The following FUS variants were observed in gnomAD, a reference collection of about 807,000 sequenced individuals.
FUS encodes the protein FUS RNA binding protein, also known as RNA-binding protein FUS.
In FUS, 5 loss-of-function variants were observed where a neutral mutation model predicts 82.7. The ratio of observed to expected loss-of-function variants is 0.06; its 90% CI spans 0.03 to 0.13. The LOEUF (loss-of-function observed/expected upper bound fraction) is 0.13, where lower values mean the gene tolerates loss of function less well. Among genes scored for constraint, FUS ranks in the 10% least tolerant of loss-of-function variants. The pLI is 1.00. For synonymous variants in FUS, 281 were observed against 247.4 expected (o/e 1.14, Z -1.27); for missense variants, 512 against 707.8 (o/e 0.72, Z 3.14).
Position 31,180,184 on chromosome 16 carries a change from T to G in FUS, c.-31T>G, listed in dbSNP as rs2144090045. ...GTACTCAGCGGTGTTGGAACTTCGT[T>G]GCTTGCTTGCCTGTGCGCGCGTGCG... On this transcript the variant is annotated 5_prime_UTR_variant, in exon 1 of 15. Coordinates refer to ENST00000254108, the MANE Select transcript of FUS (RefSeq NM_004960.4). 6.2e-7 allele frequency: 1 copy of G among 1,608,658 alleles called. No homozygotes were observed. Among genetic ancestry groups the G allele is most frequent in the African/African-American group, 1.3e-5 (1 of 75,006 alleles).
intron 1 of FUS, among the ~76,000 whole-genome samples, chr16:31,180,796 C>G (rs1252645446): frequency 6.6e-6 from 1 of 152,142 alleles, no homozygotes. Flanking sequence ...GGTTGCCACG[C>G]GGCTGGGGGC....
downstream of FUS, chr16:31,194,414 G>T (rs1014560753): frequency 2.0e-6 from 1 of 510,554 alleles, no homozygotes; most frequent in Admixed American, 2.3e-5. Flanking sequence ...TCAGCCTCTG[G>T]AGTAGCTGGG....
chr16:31,185,145 C>T lies in FUS; in HGVS notation c.730C>T (p.Arg244Cys), dbSNP rs1165095258. 7 of 1,610,038 alleles carry T rather than the reference C, an allele frequency of 4.3e-6. No individual in the cohort carries two copies. The highest frequency in any genetic ancestry group is 5.1e-6 in the Non-Finnish European group (6 of 1,178,160). The change falls in exon 6 of 15, where the codon CGT becomes TGT. Residue 244 changes from arginine to cysteine, a missense_variant. By Grantham distance (180) the Arg-to-Cys change is radical. Transcript: ENST00000254108. ...RSSGGYEPRG[R>C]GGGRGGRGGM... is the part of the protein sequence containing the mutation. ...CAGTGGTGGCTATGAACCCAGAGGT[C>T]GTGGAGGTGGCCGTGGAGGCAGAGG...
chr16:31,189,875 T>A, intron 10 of FUS, 81 bp downstream of exon 10: 1 of 1,608,728 alleles, frequency 6.2e-7, no homozygotes, highest in South Asian at 1.1e-5. Flanking sequence ...GTTTGAGGGT[T>A]CTTTTGAGTC....
At position 31,182,880 on chromosome 16, in the gene FUS, C is replaced by T. The variant is rs183032204; in HGVS notation, c.190+216C>T. Reference sequence around the variant, plus strand: ...TACAGGTACCTGCTACCACGCCTGGCTAATTTTGTGTTTTTAGTAGAGATG... The same window carrying T: ...TACAGGTACCTGCTACCACGCCTGGTTAATTTTGTGTTTTTAGTAGAGATG... On this transcript the variant is annotated intron_variant, in intron 3 of 14. Coordinates refer to ENST00000254108, the MANE Select transcript of FUS (RefSeq NM_004960.4). The T allele has an allele frequency of 2.9e-3, 1,605 of 562,634 alleles. 7 individuals are homozygous for T. The highest frequency in any genetic ancestry group is 3.4e-3 in the Non-Finnish European group (1,081 of 314,406). 34.9% of individuals were successfully genotyped at this position (562,634 alleles called of 1,614,324 possible).
At chr16:31,190,478 T>C in intron 12 of FUS, 80 bp downstream of exon 12, 2 of 1,601,050 alleles carry the variant, frequency 1.2e-6, no homozygotes, top group Non-Finnish European at 8.6e-7. Context: ...TGTGCGTGTT[T>C]TCCAAAGAAG....
At position 31,184,371 on chromosome 16, in the gene FUS, T is replaced by A. The variant is rs757247898; in HGVS notation, c.498T>A (p.Gly166=). ...GQQNQYNSSS[G]GGGGGGGGGN... is the part of the protein sequence containing the mutation. The stretch of plus-strand genomic sequence containing the variant: ...AGAACCAGTACAACAGCAGCAGTGG[T>A]GGTGGAGGTGGAGGTGGAGGTGGAG... The change falls in exon 5 of 15, where the codon GGT becomes GGA. Residue 166 remains glycine (G), a synonymous_variant. Transcript: ENST00000254108. The A allele has an allele frequency of 7.4e-6, 12 of 1,612,866 alleles. No homozygotes were observed. Among genetic ancestry groups the A allele is most frequent in the South Asian group, 1.1e-5 (1 of 91,038 alleles).
chr16:31,193,566 A>G (rs2079387820), downstream of FUS: 1 of 530,118 alleles, frequency 1.9e-6, no homozygotes, highest in Non-Finnish European at 3.7e-6. Flanking sequence ...TACTGGGACC[A>G]TTAGTGTCAA....
At chr16:31,193,616 A>G (rs959327785), downstream of FUS, 5 of 529,528 alleles carry the variant, frequency 9.4e-6, no homozygotes, top group East Asian at 1.6e-4. Context: ...ATTGGCCTTG[A>G]CCTTAAAAGG....
intron 3 of FUS, 146 bp downstream of exon 3, chr16:31,182,810 G>A (rs1283811072): frequency 4.2e-6 from 4 of 952,132 alleles, no homozygotes; most frequent in Non-Finnish European, 6.6e-6. Context: ...TCAGCCTACC[G>A]GGTTCAAACG....
At position 31,189,745 on chromosome 16, in the gene FUS, C is replaced by T. The variant is rs1384157223; in HGVS notation, c.1017C>T (p.Val339=). The change falls in exon 10 of 15, where the codon GTC becomes GTT. Residue 339 remains valine (V), a synonymous_variant. Coordinates refer to ENST00000254108, the MANE Select transcript of FUS (RefSeq NM_004960.4). The part of the protein sequence containing the change: ...ETGKLKGEAT[V]SFDDPPSAKA... ...GCAAGCTGAAGGGAGAGGCAACGGT[C>T]TCTTTTGATGACCCACCTTCAGCTA... The T allele has an allele frequency of 1.2e-6, 2 of 1,614,072 alleles. No individual in the cohort carries two copies. The highest frequency in any genetic ancestry group is 1.7e-6 in the Non-Finnish European group (2 of 1,180,054).
chr16:31,193,746 CCTCAGCCTCCCAA>C, downstream of FUS: 1 of 531,866 alleles, frequency 1.9e-6, no homozygotes. Context: ...CAACCTCCCA[CCTCAGCCTCCCAA>C]GTAGCTGGGA....
chr16:31,182,583 A>G lies in FUS; in HGVS notation c.109A>G (p.Ser37Gly). ...GAGCAGTCAGCCCTACGGACAGCAG[A>G]GTTACAGTGGTTATAGCCAGTCCAC... ...QQSSQPYGQQ[S>G]YSGYSQSTDT... Residue 37 changes from serine to glycine, a missense_variant, in exon 3 of 15, where the codon AGT (serine) becomes GGT (glycine). By Grantham distance (56) the Ser-to-Gly change is moderately conservative (BLOSUM62 0). This residue lies in a region of FUS where 276 missense variants were observed against 303.3 expected (regional missense o/e 0.91). Coordinates refer to ENST00000254108, the MANE Select transcript of FUS (RefSeq NM_004960.4). The G allele has an allele frequency of 1.2e-6, 2 of 1,614,218 alleles. No individual in the cohort carries two copies. Among genetic ancestry groups the G allele is most frequent in the Non-Finnish European group, 1.7e-6 (2 of 1,180,042 alleles).
downstream of FUS, chr16:31,194,103 G>T (rs1394310361): frequency 1.9e-6 from 1 of 533,898 alleles, no homozygotes; most frequent in Non-Finnish European, 3.6e-6. Flanking sequence ...GTAGCCTTCA[G>T]TTAGCCCTTT....
At position 31,184,343 on chromosome 16, in the gene FUS, A is replaced by G; in HGVS notation, c.470A>G (p.Gln157Arg). Residue 157 changes from glutamine to arginine, a missense_variant, in exon 5 of 15, where the codon CAG becomes CGG. Transcript: ENST00000254108. ...TATAATCCCCCTCAGGGCTATGGACAGCAGAACCAGTACAACAGCAGCAGT... is the reference window on the plus strand; with the variant it reads ...TATAATCCCCCTCAGGGCTATGGACGGCAGAACCAGTACAACAGCAGCAGT... ...QSYNPPQGYG[Q>R]QNQYNSSSGG... is the part of the protein sequence containing the mutation. The G allele has an allele frequency of 6.2e-7, 1 of 1,614,154 alleles. No individual in the cohort carries two copies. Among genetic ancestry groups the G allele is most frequent in the Non-Finnish European group, 8.5e-7 (1 of 1,180,022 alleles).
intron 7 of FUS, chr16:31,187,945 G>A (rs1596904354): frequency 3.2e-6 from 1 of 312,002 alleles, no homozygotes; most frequent in East Asian, 5.1e-5. Context: ...GGCTGGTGGC[G>A]AGCCCATCTC....
chr16:31,192,519 T>G (rs769920119), downstream of FUS: 19 of 513,846 alleles, frequency 3.7e-5, no homozygotes, highest in Non-Finnish European at 6.5e-5. Context: ...AGCTTACAAA[T>G]GTGCTGGGGA....
In FUS at chr16:31,191,320, G is replaced by A; in HGVS notation, c.1542-79G>A. On this transcript the variant is annotated intron_variant, in intron 14 of 14. Transcript: ENST00000254108. ...GATACTCGCTGGGTTAGGTAGGAGGGGCAGATAGGATATCTAGGCTTGGAG... is the reference window on the plus strand; with the variant it reads ...GATACTCGCTGGGTTAGGTAGGAGGAGCAGATAGGATATCTAGGCTTGGAG... 5 of 1,569,800 alleles carry A rather than the reference G, an allele frequency of 3.2e-6. No individual in the cohort carries two copies. The South Asian group carries it at 4.5e-5, about 14-fold the overall frequency.
intron 1 of FUS, among the ~76,000 whole-genome samples, chr16:31,181,076 G>C (rs1157369981): frequency 1.3e-5 from 2 of 152,148 alleles, no homozygotes; most frequent in Non-Finnish European, 2.9e-5. Flanking sequence ...CCACAGCCCG[G>C]CTAATTTTTG....
Sources: allele counts gnomAD v4.1 joint callset (sites outside exome capture counted in the v4.1 genomes callset), GRCh38; gene constraint gnomAD v4.1.1; regional missense constraint gnomAD v4.1.1; transcripts MANE v1.5; gene names NCBI Gene and HGNC (gene_info 2026-07-23, HGNC 2026-07-21).